DSCAM: variants seen among roughly 807,000 people sequenced by gnomAD.
DSCAM encodes the protein DS cell adhesion molecule.
DSCAM carries 47 observed loss-of-function variants against 217.7 expected under a neutral mutation model. That is an observed-to-expected ratio of 0.22 (90% CI 0.17 to 0.28). The LOEUF (loss-of-function observed/expected upper bound fraction) is 0.28, where lower values mean the gene tolerates loss of function less well. Among genes scored for constraint, DSCAM ranks in the 10% least tolerant of loss-of-function variants. The probability of loss-of-function intolerance (pLI) is 1.00; values close to 1 mark genes in which losing one functional copy is unlikely to be tolerated. For synonymous variants in DSCAM, 1,056 were observed against 1,015.3 expected, an observed-to-expected ratio of 1.04 and a Z score of -0.76; for missense variants, 2,080 against 2,618.3, an observed-to-expected ratio of 0.79 and a Z score of 4.49.
At chr21:40,272,490 G>A (rs1418526667) in intron 11 of DSCAM, among the ~76,000 whole-genome samples, 1 of 152,188 alleles carries the variant, frequency 6.6e-6, no homozygotes, top group Non-Finnish European at 1.5e-5. Context: ...AAAAAGATGT[G>A]TGTGTATGTG....
intron 11 of DSCAM, among the ~76,000 whole-genome samples, chr21:40,211,617 A>G (rs991011927): frequency 6.6e-6 from 1 of 152,198 alleles, no homozygotes; most frequent in African/African-American, 2.4e-5. Flanking sequence ...TTTGATGTGT[A>G]GACCTATCCA....
chr21:40,523,421 G>C (rs1047860510), intron 3 of DSCAM, among the ~76,000 whole-genome samples: 3 of 152,104 alleles, frequency 2.0e-5, no homozygotes, highest in Admixed American at 2.0e-4. Context: ...GCTGGACTTC[G>C]GGAGGAATGC....
intron 3 of DSCAM, among the ~76,000 whole-genome samples, chr21:40,518,465 A>ATAT (rs1260422020): frequency 4.0e-5 from 1 of 25,316 alleles, no homozygotes; most frequent in African/African-American, 2.7e-4. Context: ...TATATATAAT[A>ATAT]TATATAATAT....
intron 10 of DSCAM, among the ~76,000 whole-genome samples, chr21:40,288,375 T>A (rs1356535333): frequency 1.3e-5 from 2 of 152,222 alleles, no homozygotes; most frequent in African/African-American, 4.8e-5. Flanking sequence ...AAATTTATGA[T>A]CCTCCAAATT....
intron 3 of DSCAM, among the ~76,000 whole-genome samples, chr21:40,638,065 A>G (rs1005027656): frequency 6.6e-6 from 1 of 152,170 alleles, no homozygotes; most frequent in East Asian, 1.9e-4. Context: ...CTATAGTTCT[A>G]TGAGAACATC....
At chr21:40,649,132 G>A (rs1022261922) in intron 3 of DSCAM, among the ~76,000 whole-genome samples, 25 of 152,004 alleles carry the variant, frequency 1.6e-4, no homozygotes, top group Admixed American at 3.9e-4. Flanking sequence ...TCAGGCCAGT[G>A]CACTACATCT....
chr21:40,059,864 A>G (rs946452458), intron 28 of DSCAM, among the ~76,000 whole-genome samples: 4 of 152,148 alleles, frequency 2.6e-5, no homozygotes, highest in African/African-American at 7.2e-5. Flanking sequence ...AACACAGACC[A>G]GGGGTAGCTG....
chr21:40,591,414 G>A (rs993929752), intron 3 of DSCAM, among the ~76,000 whole-genome samples: 12 of 152,070 alleles, frequency 7.9e-5, no homozygotes, highest in Admixed American at 2.0e-4. Flanking sequence ...ACCTAAACAC[G>A]CAATACTAGT....
chr21:40,531,326 A>G (rs1211994452), intron 3 of DSCAM, among the ~76,000 whole-genome samples: 1 of 152,140 alleles, frequency 6.6e-6, no homozygotes, highest in Non-Finnish European at 1.5e-5. Flanking sequence ...CGTTCCAGCC[A>G]CCACACCTGT....
chr21:40,056,017 T>C (rs1357278504), intron 28 of DSCAM, among the ~76,000 whole-genome samples, 177 bp from the exon 29 acceptor site: 1 of 152,258 alleles, frequency 6.6e-6, no homozygotes, highest in Non-Finnish European at 1.5e-5. Context: ...TATTTATTTA[T>C]TAATATTAAA....
intron 10 of DSCAM, among the ~76,000 whole-genome samples, chr21:40,292,508 A>G (rs1185150457): frequency 6.6e-6 from 1 of 152,154 alleles, no homozygotes; most frequent in Non-Finnish European, 1.5e-5. Context: ...GTCAAAAAAA[A>G]AAAGCCTAAT....
At chr21:40,455,833 T>C (rs1299861666) in intron 3 of DSCAM, among the ~76,000 whole-genome samples, 1 of 151,852 alleles carries the variant, frequency 6.6e-6, no homozygotes, top group Non-Finnish European at 1.5e-5. Flanking sequence ...GATGGATTGA[T>C]AGATGATAGA....
intron 3 of DSCAM, among the ~76,000 whole-genome samples, chr21:40,406,102 T>C (rs1456719416): frequency 1.3e-5 from 2 of 152,168 alleles, no homozygotes; most frequent in African/African-American, 4.8e-5. Flanking sequence ...CAATAACGTA[T>C]CACCTCATAC....
At position 40,474,759 on chromosome 21, in the gene DSCAM, T is replaced by C. The variant is rs1470593654; in HGVS notation, c.509-105514A>G. 4.6e-5 allele frequency among the ~76,000 whole-genome samples: 7 copies of C among 152,344 alleles called. No individual in the cohort carries two copies. In the East Asian group the frequency reaches 1.4e-3, roughly 29 times the overall value. ...TAAATAATGGTGAACTCAAGGTTTCTGCAGGCGAGTGCGTGCGTTCTGCCT... is the reference window on the plus strand; with the variant it reads ...TAAATAATGGTGAACTCAAGGTTTCCGCAGGCGAGTGCGTGCGTTCTGCCT... On this transcript the variant is annotated intron_variant, in intron 3 of 32. Transcript: ENST00000400454.
chr21:40,281,636 C>T (rs16999612), intron 10 of DSCAM, among the ~76,000 whole-genome samples: 2,412 of 152,282 alleles, frequency 0.016, 63 homozygotes, highest in African/African-American at 0.051. Context: ...TAATTTTTTC[C>T]TCATACATGT....
At chr21:40,687,692 TC>T (rs1425551776) in intron 3 of DSCAM, among the ~76,000 whole-genome samples, 1 of 152,216 alleles carries the variant, frequency 6.6e-6, no homozygotes, top group East Asian at 1.9e-4. Flanking sequence ...GCAAAGGTTT[TC>T]TTAAATCACA....
chr21:40,325,359 A>G (rs540293954), intron 8 of DSCAM, among the ~76,000 whole-genome samples: 2 of 152,314 alleles, frequency 1.3e-5, no homozygotes, highest in African/African-American at 2.4e-5. Flanking sequence ...CAGCTTTACT[A>G]TATCTGTGAA....
intron 24 of DSCAM, 81 bp downstream of exon 24, chr21:40,083,827 T>A: frequency 9.1e-7 from 1 of 1,096,508 alleles, no homozygotes; most frequent in Non-Finnish European, 1.3e-6. Context: ...CACATACCAG[T>A]CATTTGCTGA....
At chr21:40,577,183 A>G (rs1214421067) in intron 3 of DSCAM, among the ~76,000 whole-genome samples, 1 of 151,258 alleles carries the variant, frequency 6.6e-6, no homozygotes, top group African/African-American at 2.4e-5. Flanking sequence ...ATATTCATTC[A>G]CCATCCCTTA....
Sources: allele counts gnomAD v4.1 joint callset (sites outside exome capture counted in the v4.1 genomes callset), GRCh38; gene constraint gnomAD v4.1.1; transcripts MANE v1.5; gene names NCBI Gene and HGNC (gene_info 2026-07-23, HGNC 2026-07-21).